MCC: variants seen among roughly 807,000 people sequenced by gnomAD.
The protein encoded by MCC is MCC regulator of Wnt signaling pathway.
A neutral mutation model predicts 116.2 loss-of-function variants in MCC; 90 were observed. That is an observed-to-expected ratio of 0.77 (90% CI 0.65 to 0.92). MCC has a LOEUF of 0.92. MCC is among the 40% of genes least tolerant of loss of function. The probability of loss-of-function intolerance (pLI) is 0.00; values close to 1 mark genes in which losing one functional copy is unlikely to be tolerated. For missense variants in MCC, 1,516 were observed against 1,312.2 expected (o/e 1.16, Z -2.40); for synonymous variants, 578 against 510.5 (o/e 1.13, Z -1.78).
intron 6 of MCC, among the ~76,000 whole-genome samples, chr5:113,113,455 G>A (rs1210549169): frequency 1.3e-5 from 2 of 152,072 alleles, no homozygotes; most frequent in African/African-American, 4.8e-5. Flanking sequence ...TGGGAGGAAG[G>A]GAGAAAGAGT....
At chr5:113,162,217 G>A (rs10900682) in intron 3 of MCC, among the ~76,000 whole-genome samples, 143,914 of 152,270 alleles carry the variant, frequency 0.95, 68,594 homozygotes, top group East Asian at 1. Context: ...AAAATGAAGA[G>A]AATGGGAAAG....
chr5:113,185,835 C>T (rs1761872210), intron 3 of MCC, among the ~76,000 whole-genome samples: 1 of 152,112 alleles, frequency 6.6e-6, no homozygotes. Flanking sequence ...GCATGACACT[C>T]TGCAATCTTA....
Position 113,430,976 on chromosome 5 carries a change from G to T in MCC, c.171-45764C>A, listed in dbSNP as rs150995227. ...CCTTGTTGAAAGCTAAAATGTGTAC[G>T]GTAGGAAGAGCAATGGTCTAAAAAG... is the stretch of plus-strand genomic sequence containing the variant. On this transcript the variant is annotated intron_variant, in intron 1 of 18. Transcript: ENST00000408903. 7.0e-3 allele frequency among the ~76,000 whole-genome samples: 1,066 copies of T among 152,274 alleles called. 5 individuals carry two copies. Among genetic ancestry groups the T allele is most frequent in the Middle Eastern group, 0.058 (17 of 294 alleles).
chr5:113,385,944 G>A (rs1018669797), intron 1 of MCC, among the ~76,000 whole-genome samples: 4 of 152,050 alleles, frequency 2.6e-5, no homozygotes, highest in Admixed American at 6.6e-5. Flanking sequence ...CCAGCCTATA[G>A]AGTCTCAAAT....
intron 2 of MCC, among the ~76,000 whole-genome samples, chr5:113,348,357 T>C (rs1433981529): frequency 1.3e-5 from 2 of 151,992 alleles, no homozygotes; most frequent in Admixed American, 6.6e-5. Flanking sequence ...TGAAATAATA[T>C]CAAGCATCTT....
chr5:113,349,271 G>C (rs186053067), intron 2 of MCC, among the ~76,000 whole-genome samples: 1 of 152,100 alleles, frequency 6.6e-6, no homozygotes, highest in East Asian at 1.9e-4. Flanking sequence ...CAATATCCCT[G>C]ATGAACACTG....
chr5:113,232,600 T>C (rs1763976158), intron 3 of MCC, among the ~76,000 whole-genome samples: 2 of 152,218 alleles, frequency 1.3e-5, no homozygotes, highest in African/African-American at 4.8e-5. Context: ...TAATGCATAA[T>C]TATACACACA....
chr5:113,153,693 C>A (rs770179129), intron 3 of MCC, among the ~76,000 whole-genome samples: 11 of 152,224 alleles, frequency 7.2e-5, no homozygotes, highest in Non-Finnish European at 1.5e-4. Context: ...ATGGTGATGA[C>A]ACACTCTGGA....
At chr5:113,477,657 T>C (rs1772269107) in intron 1 of MCC, among the ~76,000 whole-genome samples, 2 of 152,166 alleles carry the variant, frequency 1.3e-5, no homozygotes, top group Admixed American at 1.3e-4. Context: ...AGATTAAATT[T>C]GTGGTGCAGA....
At chr5:113,405,823 GA>G (rs992986065) in intron 1 of MCC, among the ~76,000 whole-genome samples, 54 of 151,270 alleles carry the variant, frequency 3.6e-4, no homozygotes, top group African/African-American at 1.2e-3. Context: ...AAAGAAAAAA[GA>G]AAAAAAAGTT....
intron 3 of MCC, among the ~76,000 whole-genome samples, chr5:113,290,590 T>C (rs988971344): frequency 6.6e-6 from 1 of 152,198 alleles, no homozygotes; most frequent in Non-Finnish European, 1.5e-5. Context: ...CCTTAAGATA[T>C]CTTCCTTCCA....
chr5:113,453,363 TA>T (rs1771454361), intron 1 of MCC, among the ~76,000 whole-genome samples: 1 of 152,138 alleles, frequency 6.6e-6, no homozygotes, highest in South Asian at 2.1e-4. Context: ...ACAGCTTTTT[TA>T]AACAAGTGAA....
At chr5:113,471,681 T>G (rs1228945527) in intron 1 of MCC, among the ~76,000 whole-genome samples, 4 of 151,510 alleles carry the variant, frequency 2.6e-5, no homozygotes, top group East Asian at 2.0e-4. Context: ...GGAGAACCAC[T>G]ACTCTCTTCA....
intron 3 of MCC, among the ~76,000 whole-genome samples, chr5:113,197,229 G>T (rs911640226): frequency 3.9e-5 from 6 of 152,046 alleles, no homozygotes; most frequent in Admixed American, 3.3e-4. Context: ...ATTCAAAAGG[G>T]GGAATTTTTT....
chr5:113,384,953 C>T lies in MCC; in HGVS notation c.415+15G>A, dbSNP rs1769216321. On this transcript the variant is annotated intron_variant, in intron 2 of 18. Transcript: ENST00000408903. The stretch of plus-strand genomic sequence containing the variant: ...CCAGTGGAGTGCCATAAAACTGCCA[C>T]CTGGTTATACCTACCCAAACTGTTG... 1 of 1,613,470 alleles carries T rather than the reference C, an allele frequency of 6.2e-7. No homozygotes were observed. Among genetic ancestry groups the T allele is most frequent in the South Asian group, 1.1e-5 (1 of 91,052 alleles).
chr5:113,354,854 T>C (rs1227309049), intron 2 of MCC, among the ~76,000 whole-genome samples: 1 of 150,126 alleles, frequency 6.7e-6, no homozygotes, highest in Non-Finnish European at 1.5e-5. Context: ...TCTTGGCCTG[T>C]TAATGCAAGA....
At chr5:113,077,905 G>T (rs913556289) in intron 11 of MCC, among the ~76,000 whole-genome samples, 3 of 147,692 alleles carry the variant, frequency 2.0e-5, no homozygotes, top group East Asian at 2.0e-4. Context: ...TTGATAGACC[G>T]CTAGCAAGAC....
intron 12 of MCC, among the ~76,000 whole-genome samples, chr5:113,069,856 G>A (rs557768210): frequency 4.1e-4 from 62 of 152,338 alleles, no homozygotes; most frequent in African/African-American, 1.4e-3. Context: ...AAAATGCTGG[G>A]ATTCCAGGCG....
At chr5:113,396,895 A>G (rs1487286805) in intron 1 of MCC, among the ~76,000 whole-genome samples, 2 of 152,228 alleles carry the variant, frequency 1.3e-5, no homozygotes, top group African/African-American at 4.8e-5. Context: ...ATTCCACTTA[A>G]CTGAAATTTT....
Sources: allele counts gnomAD v4.1 joint callset (sites outside exome capture counted in the v4.1 genomes callset), GRCh38; gene constraint gnomAD v4.1.1; transcripts MANE v1.5; gene names NCBI Gene and HGNC (gene_info 2026-07-23, HGNC 2026-07-21).